DYM: variants seen among roughly 807,000 people sequenced by gnomAD.
DYM encodes dymeclin.
Under a neutral mutation model 93.1 loss-of-function variants are expected in DYM, and 78 were observed. The observed-to-expected ratio is 0.84, with a 90% CI of 0.70 to 1.01. The LOEUF (loss-of-function observed/expected upper bound fraction) is 1.01. Ranked by LOEUF, DYM falls within the 50% of genes least tolerant of loss-of-function variation. The pLI is 0.00. For synonymous variants in DYM, 321 were observed against 319.7 expected, an observed-to-expected ratio of 1.00 and a Z score of -0.04; for missense variants, 789 against 845.0, an observed-to-expected ratio of 0.93 and a Z score of 0.82.
At chr18:49,359,273 A>AT (rs1266166370) in intron 6 of DYM, among the ~76,000 whole-genome samples, 10 of 152,216 alleles carry the variant, frequency 6.6e-5, no homozygotes, top group African/African-American at 2.4e-4. Flanking sequence ...GATCGATCCA[A>AT]TACACACTGA....
At chr18:49,161,576 A>G (rs1469264601) in intron 15 of DYM, among the ~76,000 whole-genome samples, 1 of 152,242 alleles carries the variant, frequency 6.6e-6, no homozygotes, top group Non-Finnish European at 1.5e-5. Context: ...CTAAACAGTT[A>G]CTAGATATAT....
intron 17 of DYM, among the ~76,000 whole-genome samples, chr18:49,064,169 G>A (rs2076213398): frequency 6.6e-6 from 1 of 152,114 alleles, no homozygotes; most frequent in South Asian, 2.1e-4. Flanking sequence ...ACATGAAACT[G>A]ATAGTCTAAT....
At chr18:49,064,815 T>C (rs2076257406) in intron 17 of DYM, among the ~76,000 whole-genome samples, 1 of 151,732 alleles carries the variant, frequency 6.6e-6, no homozygotes, top group Non-Finnish European at 1.5e-5. Context: ...ATGTTCAAAA[T>C]TGTAGTTTCT....
At chr18:49,044,617 T>C (rs920593007) in intron 17 of DYM, among the ~76,000 whole-genome samples, 3 of 152,234 alleles carry the variant, frequency 2.0e-5, no homozygotes, top group Non-Finnish European at 4.4e-5. Context: ...TCCACCATTC[T>C]GGAGGTGAGG....
intron 5 of DYM, among the ~76,000 whole-genome samples, chr18:49,372,464 C>T (rs186549393): frequency 1.3e-5 from 2 of 152,218 alleles, no homozygotes; most frequent in African/African-American, 2.4e-5. Flanking sequence ...TGTATAGGGC[C>T]GGGTGAGGTG....
chr18:49,080,063 G>A (rs1230784770), intron 17 of DYM, among the ~76,000 whole-genome samples: 46 of 143,816 alleles, frequency 3.2e-4, no homozygotes, highest in Admixed American at 3.1e-3. Flanking sequence ...GGGTGGCCGG[G>A]CAGAGGCGCC....
chr18:49,081,192 A>G (rs950707391), intron 17 of DYM, among the ~76,000 whole-genome samples: 23 of 149,886 alleles, frequency 1.5e-4, no homozygotes, highest in African/African-American at 5.4e-4. Context: ...AGATCACGCC[A>G]GTGCACTCCA....
intron 15 of DYM, among the ~76,000 whole-genome samples, chr18:49,162,238 A>G (rs1232529491): frequency 6.6e-6 from 1 of 152,126 alleles, no homozygotes; most frequent in Non-Finnish European, 1.5e-5. Flanking sequence ...GTCTTAGTGC[A>G]TTTTCTGTCG....
At chr18:49,372,289 A>G (rs988099284) in intron 5 of DYM, among the ~76,000 whole-genome samples, 1 of 152,252 alleles carries the variant, frequency 6.6e-6, no homozygotes, top group Non-Finnish European at 1.5e-5. Flanking sequence ...AAATTGGCAG[A>G]AAATATAAAA....
At chr18:49,379,781 A>G (rs781575279) in intron 3 of DYM, 23 bp from the exon 4 acceptor site, 1 of 1,567,870 alleles carries the variant, frequency 6.4e-7, no homozygotes. Context: ...AAAAGGTTTT[A>G]AAAAGTTAAA....
At chr18:49,195,632 A>C (rs1181669952) in intron 14 of DYM, among the ~76,000 whole-genome samples, 1 of 152,134 alleles carries the variant, frequency 6.6e-6, no homozygotes, top group Admixed American at 6.5e-5. Context: ...TACCCACTCA[A>C]CACTATAGAT....
intron 13 of DYM, among the ~76,000 whole-genome samples, chr18:49,241,363 C>T (rs903964213): frequency 6.6e-6 from 1 of 152,232 alleles, no homozygotes; most frequent in African/African-American, 2.4e-5. Flanking sequence ...CTATTAGCTA[C>T]ATGACCTTGG....
At chr18:49,303,203 T>C (rs1013781690) in intron 8 of DYM, among the ~76,000 whole-genome samples, 2 of 152,228 alleles carry the variant, frequency 1.3e-5, no homozygotes, top group African/African-American at 4.8e-5. Flanking sequence ...TCCTGATTTC[T>C]CCTGAGGGAC....
At chr18:49,120,740 C>T (rs576633183) in intron 15 of DYM, among the ~76,000 whole-genome samples, 1 of 152,166 alleles carries the variant, frequency 6.6e-6, no homozygotes, top group African/African-American at 2.4e-5. Flanking sequence ...CTATCTGGCT[C>T]TTTACAGAAA....
intron 2 of DYM, among the ~76,000 whole-genome samples, chr18:49,422,033 T>C (rs1253843865): frequency 6.6e-6 from 1 of 152,220 alleles, no homozygotes; most frequent in African/African-American, 2.4e-5. Flanking sequence ...GTCTGATTGG[T>C]GTACCTGAAA....
chr18:49,168,418 A>G (rs2088195327), intron 14 of DYM, among the ~76,000 whole-genome samples: 1 of 152,222 alleles, frequency 6.6e-6, no homozygotes. Flanking sequence ...ACAGCATTTC[A>G]CAAAAGAAAG....
chr18:49,216,539 ACTC>A (rs2093057040), intron 13 of DYM, among the ~76,000 whole-genome samples: 1 of 152,040 alleles, frequency 6.6e-6, no homozygotes, highest in African/African-American at 2.4e-5. Flanking sequence ...ACGGCCGGGT[ACTC>A]CTTTCAGACA....
At chr18:49,410,800 TAAAC>T (rs923143964) in intron 2 of DYM, among the ~76,000 whole-genome samples, 2 of 152,070 alleles carry the variant, frequency 1.3e-5, no homozygotes, top group African/African-American at 4.8e-5. Context: ...AAATTAAAAT[TAAAC>T]AAATTGAGTT....
At chr18:49,166,059 T>C (rs943966676) in intron 14 of DYM, among the ~76,000 whole-genome samples, 1 of 152,162 alleles carries the variant, frequency 6.6e-6, no homozygotes, top group Non-Finnish European at 1.5e-5. Flanking sequence ...GTCTTCTCCA[T>C]TTGAGGTTTA....
Sources: gnomAD v4.1 joint callset for allele counts (sites outside exome capture counted in the v4.1 genomes callset) on GRCh38, gnomAD v4.1.1 for gene constraint, MANE v1.5 for transcripts, NCBI Gene and HGNC (gene_info 2026-07-23, HGNC 2026-07-21) for gene names.